BANK1: variants seen among roughly 807,000 people sequenced by gnomAD.
BANK1 encodes B cell scaffold protein with ankyrin repeats 1, also known as B-cell scaffold protein with ankyrin repeats.
A neutral mutation model predicts 94.5 loss-of-function variants in BANK1; 95 were observed. The ratio of observed to expected loss-of-function variants is 1.00; its 90% CI spans 0.85 to 1.19. The LOEUF (loss-of-function observed/expected upper bound fraction) is 1.19, where lower values mean the gene tolerates loss of function less well. Ranked by LOEUF, BANK1 falls within the 50% of genes most tolerant of loss-of-function variation. The pLI is 0.00. For synonymous variants in BANK1, 334 were observed against 308.4 expected (o/e 1.08, Z -0.87); for missense variants, 987 against 932.2 (o/e 1.06, Z -0.77).
chr4:101,986,873 A>ATATGTGTG (rs1491537713), intron 7 of BANK1, among the ~76,000 whole-genome samples: 1 of 46,886 alleles, frequency 2.1e-5, no homozygotes, highest in African/African-American at 1.0e-4. Context: ...ATATGTGTGT[A>ATATGTGTG]TGTGTGTGTG....
chr4:101,970,630 G>A (rs1724921738), intron 7 of BANK1, among the ~76,000 whole-genome samples: 1 of 152,136 alleles, frequency 6.6e-6, no homozygotes, highest in Middle Eastern at 3.4e-3. Flanking sequence ...AGCTTGGCAT[G>A]ATAATTAAAT....
intron 2 of BANK1, among the ~76,000 whole-genome samples, chr4:101,836,856 C>T (rs932732897): frequency 3.3e-5 from 5 of 152,176 alleles, no homozygotes; most frequent in East Asian, 1.9e-4. Context: ...CCAAAGCCAT[C>T]GGCTCGGCAC....
At chr4:101,862,776 T>G in intron 4 of BANK1, 112 bp downstream of exon 4, 1 of 1,151,938 alleles carries the variant, frequency 8.7e-7, no homozygotes, top group Non-Finnish European at 1.2e-6. Flanking sequence ...TCTGCAGGTG[T>G]TTCCTGTGTT....
intron 9 of BANK1, 63 bp from the exon 10 acceptor site, chr4:102,029,897 A>G: frequency 6.7e-7 from 1 of 1,489,116 alleles, no homozygotes; most frequent in Non-Finnish European, 9.0e-7. Context: ...AAAGTGACAG[A>G]TGGACACCAA....
intron 1 of BANK1, among the ~76,000 whole-genome samples, chr4:101,808,173 G>A (rs1283012430): frequency 1.3e-5 from 2 of 151,798 alleles, no homozygotes; most frequent in Non-Finnish European, 2.9e-5. Flanking sequence ...ACCACTATAT[G>A]TTTATCTGAA....
intron 13 of BANK1, among the ~76,000 whole-genome samples, chr4:102,063,552 G>C (rs923397529): frequency 1.3e-5 from 2 of 151,938 alleles, no homozygotes; most frequent in African/African-American, 4.8e-5. Flanking sequence ...GGCCAGGCAT[G>C]ATGGCCCCCA....
At chr4:102,073,924 AG>A (rs1282930782) in intron 16 of BANK1, 80 bp from the exon 17 acceptor site, 2 of 475,486 alleles carry the variant, frequency 4.2e-6, no homozygotes, top group Non-Finnish European at 7.3e-6. Flanking sequence ...ATTTATGTAC[AG>A]GGGTGATTTA....
rs201741362 is a variant in BANK1, at chr4:102,031,310, T to TTAAG, written c.1900+1047_1900+1050dup. Among the ~76,000 whole-genome samples the TTAAG allele has an allele frequency of 7.9e-3, 1,208 of 152,324 alleles. 18 individuals carry two copies. Among genetic ancestry groups the TTAAG allele is most frequent in the African/African-American group, 0.028 (1,149 of 41,566 alleles). On this transcript the variant is annotated intron_variant, in intron 10 of 16. Transcript: ENST00000322953. ...GGGTTGTTTTTTCTTGTAAATTTGTTTAAGTTCTTTGTAGATTCTGGATAT... is the reference window on the plus strand; with the variant it reads ...GGGTTGTTTTTTCTTGTAAATTTGTTTAAGTAAGTTCTTTGTAGATTCTGGATAT...
At chr4:102,055,044 C>T (rs544371031) in intron 11 of BANK1, among the ~76,000 whole-genome samples, 1 of 151,916 alleles carries the variant, frequency 6.6e-6, no homozygotes, top group South Asian at 2.1e-4. Flanking sequence ...AGATACATCC[C>T]CGAAAATACC....
intron 6 of BANK1, among the ~76,000 whole-genome samples, chr4:101,914,557 A>G (rs190174652): frequency 5.0e-4 from 76 of 152,272 alleles, no homozygotes; most frequent in Middle Eastern, 3.4e-3. Flanking sequence ...AAGTAATCGA[A>G]TAAGTCAATG....
At position 102,005,386 on chromosome 4, in the gene BANK1, G is replaced by GA. The variant is rs76453890; in HGVS notation, c.1207-16128_1207-16127insA. Among the ~76,000 whole-genome samples, 937 of 152,168 alleles carry GA rather than the reference G, an allele frequency of 6.2e-3. 13 individuals are homozygous for GA. Among genetic ancestry groups the GA allele is most frequent in the East Asian group, 0.056 (289 of 5,176 alleles). ...TACTTGTTAACCATCAATAGGACAT[G>GA]TTTTTCAATCCATTTTTAAGAAGTG... On this transcript the variant is annotated intron_variant, in intron 7 of 16. Coordinates refer to ENST00000322953, the MANE Select transcript of BANK1 (RefSeq NM_017935.5).
At position 102,004,192 on chromosome 4, in the gene BANK1, A is replaced by T. The variant is rs73834549; in HGVS notation, c.1207-17322A>T. Among the ~76,000 whole-genome samples, 7 of 152,248 alleles carry T rather than the reference A, an allele frequency of 4.6e-5. No individual in the cohort carries two copies. In the South Asian group the frequency reaches 1.5e-3, roughly 32 times the overall value. On this transcript the variant is annotated intron_variant, in intron 7 of 16. Coordinates refer to ENST00000322953, the MANE Select transcript of BANK1 (RefSeq NM_017935.5). ...TATATACTGCTATATCCTTATTACC[A>T]AGAGCATTGCCTGGCACATAGTAGG...
chr4:101,879,550 T>C (rs1455605818), intron 5 of BANK1, among the ~76,000 whole-genome samples: 1 of 151,954 alleles, frequency 6.6e-6, no homozygotes, highest in Non-Finnish European at 1.5e-5. Flanking sequence ...CTAATCAAAC[T>C]ATTCTGAAAA....
At chr4:101,911,278 CTT>C (rs1722654412) in intron 6 of BANK1, among the ~76,000 whole-genome samples, 1 of 152,146 alleles carries the variant, frequency 6.6e-6, no homozygotes, top group African/African-American at 2.4e-5. Flanking sequence ...TCAGAGGAAA[CTT>C]TACAGGGCAG....
chr4:101,851,033 G>T (rs28625045), intron 2 of BANK1, among the ~76,000 whole-genome samples: 4,958 of 151,952 alleles, frequency 0.033, 283 homozygotes, highest in African/African-American at 0.11. Context: ...CACATCTCTC[G>T]CTTAAAATAA....
At chr4:101,988,869 G>A (rs1401136898) in intron 7 of BANK1, among the ~76,000 whole-genome samples, 2 of 151,510 alleles carry the variant, frequency 1.3e-5, no homozygotes, top group East Asian at 1.9e-4. Context: ...GTTTTATTAA[G>A]GAAGCATCTT....
chr4:101,880,184 A>G (rs961361103), intron 5 of BANK1, among the ~76,000 whole-genome samples: 1 of 152,034 alleles, frequency 6.6e-6, no homozygotes, highest in African/African-American at 2.4e-5. Context: ...TTATATTTGG[A>G]AAAAAACTAA....
At chr4:101,947,570 T>C (rs1378899367) in intron 7 of BANK1, among the ~76,000 whole-genome samples, 1 of 151,756 alleles carries the variant, frequency 6.6e-6, no homozygotes, top group Non-Finnish European at 1.5e-5. Flanking sequence ...ACATTATCTT[T>C]CCATGTGCAC....
chr4:101,792,256 C>CCT (rs35818853), intron 1 of BANK1, among the ~76,000 whole-genome samples: 2 of 30,588 alleles, frequency 6.5e-5, no homozygotes, highest in Admixed American at 2.6e-4. Context: ...GCATTCCGCT[C>CCT]CCCCCCCGCC....
Sources: allele counts gnomAD v4.1 joint callset (sites outside exome capture counted in the v4.1 genomes callset), GRCh38; gene constraint gnomAD v4.1.1; transcripts MANE v1.5; gene names NCBI Gene and HGNC (gene_info 2026-07-23, HGNC 2026-07-21).